Variants in THSD4 observed in about 807,000 individuals in gnomAD.
The protein encoded by THSD4 is thrombospondin type 1 domain containing 4.
THSD4 carries 69 observed loss-of-function variants against 119.0 expected under a neutral mutation model. The observed-to-expected ratio is 0.58, with a 90% CI of 0.48 to 0.71. The LOEUF (loss-of-function observed/expected upper bound fraction) is 0.71, where lower values mean the gene tolerates loss of function less well. Among genes scored for constraint, THSD4 ranks in the 30% least tolerant of loss-of-function variants. THSD4 has a pLI of 0.00. For synonymous variants in THSD4, 524 were observed against 540.4 expected, an observed-to-expected ratio of 0.97 and a Z score of 0.42; for missense variants, 1,393 against 1,391.1, an observed-to-expected ratio of 1.00 and a Z score of -0.02.
intron 3 of THSD4, among the ~76,000 whole-genome samples, chr15:71,176,049 A>G (rs1184948131): frequency 8.3e-5 from 10 of 120,086 alleles, no homozygotes; most frequent in Non-Finnish European, 1.4e-4. Context: ...AAATGTAAAG[A>G]CCATCGAGAC....
chr15:71,500,484 A>G (rs2048093676), intron 7 of THSD4, among the ~76,000 whole-genome samples: 1 of 152,136 alleles, frequency 6.6e-6, no homozygotes, highest in African/African-American at 2.4e-5. Context: ...AGTTTGATAT[A>G]ATATCATTTG....
intron 6 of THSD4, among the ~76,000 whole-genome samples, chr15:71,318,153 A>G (rs2140357451): frequency 6.6e-6 from 1 of 152,244 alleles, no homozygotes; most frequent in South Asian, 2.1e-4. Context: ...AGGGAAGTTT[A>G]TGAAGAACAG....
intron 4 of THSD4, among the ~76,000 whole-genome samples, chr15:71,217,150 G>T (rs559376097): frequency 1.3e-5 from 2 of 152,316 alleles, no homozygotes; most frequent in Admixed American, 1.3e-4. Context: ...ATTCAGAACT[G>T]CCCAGATTTT....
chr15:71,335,544 G>T (rs1287294293), intron 6 of THSD4, among the ~76,000 whole-genome samples: 1 of 152,130 alleles, frequency 6.6e-6, no homozygotes, highest in Non-Finnish European at 1.5e-5. Flanking sequence ...CAGACCCAGA[G>T]AAAAAGGATA....
At chr15:71,411,947 T>C (rs1367279504) in intron 7 of THSD4, 124 bp downstream of exon 7, 39 of 1,316,320 alleles carry the variant, frequency 3.0e-5, no homozygotes, top group Middle Eastern at 2.0e-4. Context: ...CACTCAACCA[T>C]GCGCTCTGGG....
rs993171897 is a variant in THSD4, at chr15:71,595,175, T to C, written c.1153-65355T>C. 1.1e-4 allele frequency among the ~76,000 whole-genome samples: 16 copies of C among 152,200 alleles called. 1 individual carries two copies. Among genetic ancestry groups the C allele is most frequent in the Admixed American group, 9.8e-4 (15 of 15,284 alleles). Reference sequence around the variant, plus strand: ...TTCTATACAAGTAATGGGTGATTGCTGGAAAGGTACTATGAGTGGACAGGC... The same window carrying C: ...TTCTATACAAGTAATGGGTGATTGCCGGAAAGGTACTATGAGTGGACAGGC... On this transcript the variant is annotated intron_variant, in intron 7 of 17. Coordinates refer to ENST00000261862, the MANE Select transcript of THSD4 (RefSeq NM_024817.3).
intron 6 of THSD4, among the ~76,000 whole-genome samples, chr15:71,338,468 G>A (rs953818731): frequency 6.6e-6 from 1 of 152,080 alleles, no homozygotes; most frequent in South Asian, 2.1e-4. Flanking sequence ...AGGTAATGCC[G>A]AGAGTATGTG....
intron 7 of THSD4, among the ~76,000 whole-genome samples, chr15:71,627,544 G>C (rs1247623671): frequency 6.6e-6 from 1 of 152,186 alleles, no homozygotes; most frequent in Non-Finnish European, 1.5e-5. Context: ...CAAATAACCA[G>C]TTACTTGCCT....
At chr15:71,595,259 C>T (rs1384431221) in intron 7 of THSD4, among the ~76,000 whole-genome samples, 1 of 152,186 alleles carries the variant, frequency 6.6e-6, no homozygotes, top group Non-Finnish European at 1.5e-5. Context: ...TAAGCTTTGG[C>T]TGTGTCCCCA....
At chr15:71,239,408 A>G (rs993542521) in intron 4 of THSD4, among the ~76,000 whole-genome samples, 1 of 152,166 alleles carries the variant, frequency 6.6e-6, no homozygotes, top group East Asian at 1.9e-4. Context: ...GCATACAAAG[A>G]TTGGGTAACT....
chr15:71,497,311 G>T (rs193108294), intron 7 of THSD4, among the ~76,000 whole-genome samples: 1 of 152,090 alleles, frequency 6.6e-6, no homozygotes, highest in Non-Finnish European at 1.5e-5. Flanking sequence ...TCAGGAGTTC[G>T]AGACCAGCCT....
At position 71,512,729 on chromosome 15, in the gene THSD4, C is replaced by A. The variant is rs867553198; in HGVS notation, c.1152+100906C>A. Among the ~76,000 whole-genome samples, 9 of 150,746 alleles carry A rather than the reference C, an allele frequency of 6.0e-5. No homozygotes were observed. In the Middle Eastern group the frequency reaches 0.014, roughly 239 times the overall value. On this transcript the variant is annotated intron_variant, in intron 7 of 17. Transcript: ENST00000261862. ...GTATTATAAAAACAATACTAGAATT[C>A]TTTTCCTTTTTTTTCTTTTTTTTAA...
chr15:71,109,112 C>T (rs916031366), intron 1 of THSD4, among the ~76,000 whole-genome samples: 7 of 152,206 alleles, frequency 4.6e-5, no homozygotes, highest in Non-Finnish European at 1.0e-4. Context: ...AGAAGCTGGT[C>T]CTGAACACTG....
At chr15:71,700,892 T>A in intron 8 of THSD4, among the ~76,000 whole-genome samples, 1 of 152,038 alleles carries the variant, frequency 6.6e-6, no homozygotes, top group East Asian at 1.9e-4. Flanking sequence ...AAACTATAAA[T>A]ATACCAAAAG....
At chr15:71,764,930 C>T (rs945100682) in intron 15 of THSD4, 90 bp from the exon 16 acceptor site, 111 of 1,462,236 alleles carry the variant, frequency 7.6e-5, no homozygotes, top group East Asian at 9.3e-5. Context: ...GTAGAATTGA[C>T]GGTGCCCGTC....
At chr15:71,196,953 G>C (rs2043724743) in intron 3 of THSD4, among the ~76,000 whole-genome samples, 1 of 152,162 alleles carries the variant, frequency 6.6e-6, no homozygotes, top group Admixed American at 6.5e-5. Flanking sequence ...TAGGACTCCT[G>C]CATGAAGGTG....
chr15:71,533,866 G>T (rs1239961642), intron 7 of THSD4, among the ~76,000 whole-genome samples: 1 of 152,142 alleles, frequency 6.6e-6, no homozygotes, highest in Non-Finnish European at 1.5e-5. Flanking sequence ...ATTATTGGCA[G>T]GCTTAGTAAT....
intron 8 of THSD4, among the ~76,000 whole-genome samples, chr15:71,665,410 T>C (rs566706619): frequency 5.9e-4 from 90 of 152,332 alleles, no homozygotes; most frequent in South Asian, 2.1e-3. Flanking sequence ...CTTTGTCTGA[T>C]GTATAGTTTG....
chr15:71,243,118 C>A, intron 5 of THSD4, 22 bp downstream of exon 5: 2 of 1,588,100 alleles, frequency 1.3e-6, no homozygotes, highest in Middle Eastern at 1.7e-4. Flanking sequence ...CAACCCATAC[C>A]GGGCCTGGAA....
Sources: allele counts gnomAD v4.1 joint callset (sites outside exome capture counted in the v4.1 genomes callset), GRCh38; gene constraint gnomAD v4.1.1; transcripts MANE v1.5; gene names NCBI Gene and HGNC (gene_info 2026-07-23, HGNC 2026-07-21).